Variants in KLF6 observed in about 807,000 individuals in gnomAD.
The protein encoded by KLF6 is KLF transcription factor 6.
For synonymous variants in KLF6, 152 were observed against 147.9 expected (o/e 1.03, Z -0.20); for missense variants, 233 against 359.8 (o/e 0.65, Z 2.85).
At chr10:3,779,613 CAGA>C (rs779422428) in intron 3 of KLF6, 23 bp from the exon 4 acceptor site, 183 of 1,613,124 alleles carry the variant, frequency 1.1e-4, no homozygotes, top group South Asian at 2.3e-4. Context: ...ATCAGAAGCA[CAGA>C]AGAAGTTAGG....
rs1403606607 is a variant in KLF6 at position 3,781,211 on chromosome 10, A to C, written c.676+430T>G. 2.4e-6 allele frequency: 1 copy of C among 418,084 alleles called. No individual in the cohort carries two copies. Among genetic ancestry groups the C allele is most frequent in the East Asian group, 4.0e-5 (1 of 24,996 alleles). 25.9% of individuals were successfully genotyped at this position (418,084 alleles called of 1,614,324 possible). ...GGTCCCACTCGGGCCTCGGGCCGTC[A>C]GCATCAAACCCACACACTCCACGCT... is the stretch of plus-strand genomic sequence containing the variant. On this transcript the variant is annotated intron_variant, in intron 2 of 3. Coordinates refer to ENST00000497571, the MANE Select transcript of KLF6 (RefSeq NM_001300.6). The surrounding 1 kb of genome is among the most constrained non-coding windows in gnomAD (Gnocchi z 5.8).
In KLF6 at chr10:3,776,224, T is replaced by G. The variant is rs1832369885; in HGVS notation, c.*3315A>C. On this transcript the variant is annotated 3_prime_UTR_variant, in exon 4 of 4. Coordinates refer to ENST00000497571, the MANE Select transcript of KLF6 (RefSeq NM_001300.6). The stretch of plus-strand genomic sequence containing the variant: ...GCAGGGAAACACTCAAGTTTGTCGT[T>G]GTGCAGGTGCCTCTGCAATGCATTC... The G allele has an allele frequency of 5.6e-6, 3 of 532,332 alleles. No individual in the cohort carries two copies. Among genetic ancestry groups the G allele is most frequent in the Admixed American group, 2.2e-5 (1 of 44,872 alleles). 33.0% of individuals were successfully genotyped at this position (532,332 alleles called of 1,614,324 possible). A position where few individuals can be genotyped will look rare whatever the true frequency, so the allele number is the denominator to read the frequency against.
chr10:3,784,740 G>C (rs879356438), intron 1 of KLF6, among the ~76,000 whole-genome samples, 173 bp downstream of exon 1: 2 of 152,192 alleles, frequency 1.3e-5, no homozygotes, highest in Admixed American at 1.3e-4. Flanking sequence ...TTCCCTGGGC[G>C]GACGCTGATC....
rs1365136381 is a variant in KLF6 at position 3,780,590 on chromosome 10, T to G, written c.677-361A>C. Reference sequence around the variant, plus strand: ...GAGCTATTGCTTTCTTCATGGCAACTGTTTCTCCCAAACACACTTCTGTTC... The same window carrying G: ...GAGCTATTGCTTTCTTCATGGCAACGGTTTCTCCCAAACACACTTCTGTTC... On this transcript the variant is annotated intron_variant, in intron 2 of 3. Coordinates refer to ENST00000497571, the MANE Select transcript of KLF6 (RefSeq NM_001300.6). This position sits in a 1 kb window ranked among gnomAD's most constrained non-coding sequence, Gnocchi z 4.6. The G allele has an allele frequency of 8.0e-6, 3 of 373,492 alleles. No homozygotes were observed. Among genetic ancestry groups the G allele is most frequent in the Admixed American group, 7.4e-5 (2 of 27,030 alleles). 23.1% of individuals were successfully genotyped at this position (373,492 alleles called of 1,614,324 possible). A position where few individuals can be genotyped will look rare whatever the true frequency, so the allele number is the denominator to read the frequency against.
chr10:3,779,982 G>C (rs1832484253), intron 3 of KLF6, 124 bp downstream of exon 3: 1 of 1,275,142 alleles, frequency 7.8e-7, no homozygotes, highest in Admixed American at 1.8e-5. Context: ...GGCTTGAAAA[G>C]AAATGTTCAC....
rs751314068 is a variant in KLF6 at position 3,776,505 on chromosome 10, T to A, written c.*3034A>T. 38 of 529,922 alleles carry A rather than the reference T, an allele frequency of 7.2e-5. 3 individuals carry two copies. The highest frequency in any genetic ancestry group is 5.7e-4 in the South Asian group (37 of 65,130). 32.8% of individuals were successfully genotyped at this position (529,922 alleles called of 1,614,324 possible). A position where few individuals can be genotyped will look rare whatever the true frequency, so the allele number is the denominator to read the frequency against. The stretch of plus-strand genomic sequence containing the variant: ...GCCAGGGTGATGAATGCAGGAGGAA[T>A]CTGTTCCAACAACCCCCTTCCCCCA... On this transcript the variant is annotated 3_prime_UTR_variant, in exon 4 of 4. Coordinates refer to ENST00000497571, the MANE Select transcript of KLF6 (RefSeq NM_001300.6).
intron 1 of KLF6, chr10:3,783,104 T>G (rs1832568001): frequency 6.6e-6 from 1 of 152,202 alleles, no homozygotes; most frequent in South Asian, 2.1e-4. Flanking sequence ...TTTCACGCAA[T>G]GCCAAAGGAG....
rs531283024 is a variant in KLF6, at chr10:3,782,753, C to G, written c.103-539G>C. On this transcript the variant is annotated intron_variant, in intron 1 of 3. Coordinates refer to ENST00000497571, the MANE Select transcript of KLF6 (RefSeq NM_001300.6). The surrounding 1 kb of genome is among the most constrained non-coding windows in gnomAD (Gnocchi z 4.3). ...ACGGCTGACAACACAGGGCCACACTCGGGGGAGAGGAGACAGCAGCTGTCT... is the reference window on the plus strand; with the variant it reads ...ACGGCTGACAACACAGGGCCACACTGGGGGGAGAGGAGACAGCAGCTGTCT... 6.6e-6 allele frequency among the ~76,000 whole-genome samples: 1 copy of G among 152,310 alleles called. No homozygotes were observed. The highest frequency in any genetic ancestry group is 1.9e-4 in the East Asian group (1 of 5,190).
chr10:3,777,717 G>C lies in KLF6; in HGVS notation c.*1822C>G. 1 of 367,624 alleles carries C rather than the reference G, an allele frequency of 2.7e-6. No homozygotes were observed. Among genetic ancestry groups the C allele is most frequent in the East Asian group, 6.1e-5 (1 of 16,390 alleles). The allele number at this position is 367,624 out of a possible 1,614,324, so 22.8% of individuals were successfully genotyped here. On this transcript the variant is annotated 3_prime_UTR_variant, in exon 4 of 4. Transcript: ENST00000497571. ...TGGAATTTTCTAGCTAAACATTCTAGTTTCTCCTTAAAAAAAATATTTATA... is the reference window on the plus strand; with the variant it reads ...TGGAATTTTCTAGCTAAACATTCTACTTTCTCCTTAAAAAAAATATTTATA...
chr10:3,780,415 G>A lies in KLF6; in HGVS notation c.677-186C>T, dbSNP rs545625040. 9 of 686,706 alleles carry A rather than the reference G, an allele frequency of 1.3e-5. No homozygotes were observed. In the East Asian group the frequency reaches 2.4e-4, roughly 19 times the overall value. The allele number at this position is 686,706 out of a possible 1,614,324, so 42.5% of individuals were successfully genotyped here. On this transcript the variant is annotated intron_variant, in intron 2 of 3. Transcript: ENST00000497571. This position sits in a 1 kb window ranked among gnomAD's most constrained non-coding sequence, Gnocchi z 4.6. Reference sequence around the variant, plus strand: ...CAGCTCTCTCCTGACCCAGTCTCAGGCCTCCCACTGCTGTCCAAGGGACAC... The same window carrying A: ...CAGCTCTCTCCTGACCCAGTCTCAGACCTCCCACTGCTGTCCAAGGGACAC...
In KLF6 at chr10:3,776,122, G is replaced by T. The variant is rs1240547994; in HGVS notation, c.*3417C>A. On this transcript the variant is annotated 3_prime_UTR_variant, in exon 4 of 4. Transcript: ENST00000497571. ...CCTCCCAGACATGCCTCAGCCAGGT[G>T]TGTGGCAGGGCTGGCTGGGGAAGGT... 2 of 530,112 alleles carry T rather than the reference G, an allele frequency of 3.8e-6. No individual in the cohort carries two copies. The highest frequency in any genetic ancestry group is 7.3e-6 in the Non-Finnish European group (2 of 273,654). 32.8% of individuals were successfully genotyped at this position (530,112 alleles called of 1,614,324 possible). A position where few individuals can be genotyped will look rare whatever the true frequency, so the allele number is the denominator to read the frequency against.
At position 3,782,023 on chromosome 10, in the gene KLF6, G is replaced by A; in HGVS notation, c.294C>T (p.Asn98=). Residue 98 remains asparagine (N), a synonymous_variant, in exon 2 of 4, where the codon AAC becomes AAT. Transcript: ENST00000497571. The surrounding 1 kb of genome is among the most constrained non-coding windows in gnomAD (Gnocchi z 4.3). The part of the protein sequence containing the change: ...DTLISPSFCY[N]LETNSLNSDV... ...CTGAGTTCAGGCTGTTGGTCTCTAA[G>A]TTGTAACAAAAGCTCGGGCTGATGA... 1 of 1,614,208 alleles carries A rather than the reference G, an allele frequency of 6.2e-7. No homozygotes were observed. Among genetic ancestry groups the A allele is most frequent in the Non-Finnish European group, 8.5e-7 (1 of 1,180,022 alleles).
Position 3,779,296 on chromosome 10 carries a change from C to T in KLF6, c.*243G>A, listed in dbSNP as rs745398837. 9 of 652,648 alleles carry T rather than the reference C, an allele frequency of 1.4e-5. No individual in the cohort carries two copies. In the East Asian group the frequency reaches 1.5e-4, roughly 11 times the overall value. 40.4% of individuals were successfully genotyped at this position (652,648 alleles called of 1,614,324 possible). Reference sequence around the variant, plus strand: ...TGCATGCTCACGGCAAAGGCTTAGGCGCCGCTCGGAAGGGCGGGTACCAGT... The same window carrying T: ...TGCATGCTCACGGCAAAGGCTTAGGTGCCGCTCGGAAGGGCGGGTACCAGT... On this transcript the variant is annotated 3_prime_UTR_variant, in exon 4 of 4. Transcript: ENST00000497571.
Position 3,779,604 on chromosome 10 carries a change from TCAGAAGCA to T in KLF6, c.801-22_801-15del. 6.2e-7 allele frequency: 1 copy of T among 1,613,654 alleles called. No homozygotes were observed. Among genetic ancestry groups the T allele is most frequent in the Non-Finnish European group, 8.5e-7 (1 of 1,179,616 alleles). ...CTGGAAAAACACCTGCAAGGGCAAA[TCAGAAGCA>T]CAGAAGAAGTTAGGTTCCCATCCCT... On this transcript the variant is annotated splice_polypyrimidine_tract_variant and intron_variant, in intron 3 of 3. Coordinates refer to ENST00000497571, the MANE Select transcript of KLF6 (RefSeq NM_001300.6).
chr10:3,777,089 C>T lies in KLF6; in HGVS notation c.*2450G>A, dbSNP rs1832403095. On this transcript the variant is annotated 3_prime_UTR_variant, in exon 4 of 4. Transcript: ENST00000497571. ...ACTGCACTTCCCCTCTTAAGTAAAACGAAATGAGTTTCTTAGGTAAATGTA... is the reference window on the plus strand; with the variant it reads ...ACTGCACTTCCCCTCTTAAGTAAAATGAAATGAGTTTCTTAGGTAAATGTA... 5.8e-6 allele frequency: 3 copies of T among 513,642 alleles called. No individual in the cohort carries two copies. Among genetic ancestry groups the T allele is most frequent in the Non-Finnish European group, 7.6e-6 (2 of 263,534 alleles). 31.8% of individuals were successfully genotyped at this position (513,642 alleles called of 1,614,324 possible). A position where few individuals can be genotyped will look rare whatever the true frequency, so the allele number is the denominator to read the frequency against.
At position 3,785,033 on chromosome 10, in the gene KLF6, G is replaced by C; in HGVS notation, c.-19C>G. On this transcript the variant is annotated 5_prime_UTR_variant, in exon 1 of 4. Coordinates refer to ENST00000497571, the MANE Select transcript of KLF6 (RefSeq NM_001300.6). ...CGTCCATGTCGGGCCGGGTTGGACG[G>C]AGCCCGCGGTCGCGAGGGCGGCGAG... 1.2e-6 allele frequency: 2 copies of C among 1,611,120 alleles called. No individual in the cohort carries two copies. The highest frequency in any genetic ancestry group is 1.7e-6 in the Non-Finnish European group (2 of 1,178,642).
At position 3,781,924 on chromosome 10, in the gene KLF6, G is replaced by A. The variant is rs749237400; in HGVS notation, c.393C>T (p.Gly131=). Residue 131 remains glycine (G), a synonymous_variant, in exon 2 of 4, where the codon GGC becomes GGT. Coordinates refer to ENST00000497571, the MANE Select transcript of KLF6 (RefSeq NM_001300.6). The surrounding 1 kb of genome is among the most constrained non-coding windows in gnomAD (Gnocchi z 5.8). ...ATTTTCCCGAGCTGACCAAAACTTC[G>A]CCAATGGGGTCGGAGGTAAACTTGG... ...PTAKFTSDPI[G]EVLVSSGKLS... is the part of the protein sequence containing the mutation. The A allele has an allele frequency of 2.8e-5, 45 of 1,614,054 alleles. No homozygotes were observed. Among genetic ancestry groups the A allele is most frequent in the East Asian group, 4.5e-5 (2 of 44,904 alleles).
Position 3,781,404 on chromosome 10 carries a change from T to A in KLF6, c.676+237A>T. 6.7e-7 allele frequency: 1 copy of A among 1,488,064 alleles called. No homozygotes were observed. Among genetic ancestry groups the A allele is most frequent in the Non-Finnish European group, 8.9e-7 (1 of 1,118,966 alleles). The allele number at this position is 1,488,064 out of a possible 1,614,324, so 92.2% of individuals were successfully genotyped here. ...GGTGTCCGTGGAGAAAAGGATCTAGTCTCTTGTTTGTTTAATCTGAAAATT... is the reference window on the plus strand; with the variant it reads ...GGTGTCCGTGGAGAAAAGGATCTAGACTCTTGTTTGTTTAATCTGAAAATT... On this transcript the variant is annotated intron_variant, in intron 2 of 3. Transcript: ENST00000497571. The surrounding 1 kb of genome is among the most constrained non-coding windows in gnomAD (Gnocchi z 5.8).
At position 3,779,362 on chromosome 10, in the gene KLF6, C is replaced by T. The variant is rs768501536; in HGVS notation, c.*177G>A. On this transcript the variant is annotated 3_prime_UTR_variant, in exon 4 of 4. Transcript: ENST00000497571. ...ACCCACATACCATGCACCACGGGTG[C>T]TATGCCGCTTCTTACAGGACCTTTT... The T allele has an allele frequency of 7.2e-6, 5 of 693,188 alleles. No individual in the cohort carries two copies. The highest frequency in any genetic ancestry group is 1.1e-5 in the Non-Finnish European group (4 of 379,888). The allele number at this position is 693,188 out of a possible 1,614,324, so 42.9% of individuals were successfully genotyped here.
Sources: allele counts gnomAD v4.1 joint callset (sites outside exome capture counted in the v4.1 genomes callset), GRCh38; gene constraint gnomAD v4.1.1; non-coding constraint Gnocchi (gnomAD v3.1); transcripts MANE v1.5; gene names NCBI Gene and HGNC (gene_info 2026-07-23, HGNC 2026-07-21).